P2RX5: variants seen among roughly 807,000 people sequenced by gnomAD.
The protein encoded by P2RX5 is purinergic receptor P2X 5.
A neutral mutation model predicts 54.1 loss-of-function variants in P2RX5; 46 were observed. The ratio of observed to expected loss-of-function variants is 0.85; its 90% CI spans 0.67 to 1.09. The LOEUF (loss-of-function observed/expected upper bound fraction) is 1.09. Ranked by LOEUF, P2RX5 falls within the 50% of genes least tolerant of loss-of-function variation. P2RX5 has a pLI of 0.00. For synonymous variants in P2RX5, 226 were observed against 226.4 expected (o/e 1.00, Z 0.02); for missense variants, 566 against 549.8 (o/e 1.03, Z -0.29).
chr17:3,673,669 A>G lies in P2RX5; in HGVS notation c.*199T>C. ...GGGGTGGGGCAAAAAGACAGCCATGATGGGTCCGTCCTGATGACCCCAGCA... is the reference window on the plus strand; with the variant it reads ...GGGGTGGGGCAAAAAGACAGCCATGGTGGGTCCGTCCTGATGACCCCAGCA... On this transcript the variant is annotated 3_prime_UTR_variant, in exon 12 of 12. Transcript: ENST00000225328. The G allele has an allele frequency of 1.4e-6, 2 of 1,474,182 alleles. No individual in the cohort carries two copies. The highest frequency in any genetic ancestry group is 2.3e-5 in the Admixed American group (1 of 42,884). 91.3% of individuals were successfully genotyped at this position (1,474,182 alleles called of 1,614,324 possible).
intron 11 of P2RX5, 58 bp from the exon 12 acceptor site, chr17:3,673,935 G>GCCC: frequency 6.7e-7 from 1 of 1,483,274 alleles, no homozygotes; most frequent in Admixed American, 1.9e-5. Context: ...TCTTCCCAGT[G>GCCC]AGGCAACCAG....
Position 3,673,963 on chromosome 17 carries a change from C to T in P2RX5, c.1260-86G>A, listed in dbSNP as rs1597686062. The T allele has an allele frequency of 4.1e-6, 5 of 1,220,880 alleles. No individual in the cohort carries two copies. The East Asian group carries it at 1.0e-4, about 25-fold the overall frequency. The allele number at this position is 1,220,880 out of a possible 1,614,324, so 75.6% of individuals were successfully genotyped here. ...GCAACCAGTGCCCAGGGAGAAGGGC[C>T]TTCCCAAGTCTGAAAAGAGCTACAG... On this transcript the variant is annotated intron_variant, in intron 11 of 11. Coordinates refer to ENST00000225328, the MANE Select transcript of P2RX5 (RefSeq NM_002561.4).
chr17:3,691,904 G>A (rs777281793), intron 1 of P2RX5, 110 bp from the exon 2 acceptor site: 1 of 1,121,968 alleles, frequency 8.9e-7, no homozygotes, highest in Non-Finnish European at 1.3e-6. Context: ...TTGAGGTGGA[G>A]CAGGCTCAGG....
the P2RX5 span, among the ~76,000 whole-genome samples, chr17:3,706,892 G>C: frequency 6.6e-6 from 1 of 152,226 alleles, no homozygotes; most frequent in African/African-American, 2.4e-5. Flanking sequence ...TTACAGGCGT[G>C]CGCCACTGCG....
the P2RX5 span, among the ~76,000 whole-genome samples, chr17:3,705,528 A>G: frequency 6.6e-6 from 1 of 152,086 alleles, no homozygotes; most frequent in Admixed American, 6.6e-5. Context: ...GTCCTCCTCC[A>G]AATGTCCACA....
the P2RX5 span, among the ~76,000 whole-genome samples, chr17:3,722,958 C>G: frequency 1.3e-5 from 2 of 152,176 alleles, no homozygotes; most frequent in African/African-American, 2.4e-5. Flanking sequence ...GAAAGGGTAG[C>G]TTGAATTACA....
chr17:3,689,412 G>A (rs116998848), intron 7 of P2RX5, 80 bp downstream of exon 7: 30,547 of 1,551,902 alleles, frequency 0.02, 382 homozygotes, highest in Non-Finnish European at 0.023. Flanking sequence ...ACGAGTCCCC[G>A]TCCACACCCT....
chr17:3,689,587 A>G lies in P2RX5; in HGVS notation c.658T>C (p.Cys220Arg). 1 of 1,614,204 alleles carries G rather than the reference A, an allele frequency of 6.2e-7. No individual in the cohort carries two copies. The highest frequency in any genetic ancestry group is 1.1e-5 in the South Asian group (1 of 91,092). Residue 220 changes from cysteine (C) to arginine (R), a missense_variant, in exon 7 of 12, where the codon TGC becomes CGC. Physicochemically the swap from Cys to Arg is radical, Grantham distance 180. Coordinates refer to ENST00000225328, the MANE Select transcript of P2RX5 (RefSeq NM_002561.4). ...DVKDRSFLKS[C>R]HFGPKNHYCP... ...TAGTGGTTCTTGGGGCCAAAGTGGCATGATTTCAGGAAAGATCTGTCCTTG... is the reference window on the plus strand; with the variant it reads ...TAGTGGTTCTTGGGGCCAAAGTGGCGTGATTTCAGGAAAGATCTGTCCTTG...
chr17:3,694,298 C>T, intron 1 of P2RX5, among the ~76,000 whole-genome samples: 1 of 76,194 alleles, frequency 1.3e-5, no homozygotes, highest in East Asian at 8.2e-4. Flanking sequence ...TAGGCAAATC[C>T]ATAGAGACAG....
chr17:3,707,409 G>A, the P2RX5 span, among the ~76,000 whole-genome samples: 1 of 152,038 alleles, frequency 6.6e-6, no homozygotes, highest in African/African-American at 2.4e-5. Context: ...TCTTCATCCG[G>A]GAGCCAAAAG....
At chr17:3,678,609 C>A (rs150853) in intron 11 of P2RX5, among the ~76,000 whole-genome samples, 81,796 of 152,050 alleles carry the variant, frequency 0.54, 22,520 homozygotes, top group East Asian at 0.76. Flanking sequence ...CCTCACTCTT[C>A]TCCAGCCCAG....
At chr17:3,680,439 G>A (rs2062079373) in intron 10 of P2RX5, among the ~76,000 whole-genome samples, 1 of 118,212 alleles carries the variant, frequency 8.5e-6, no homozygotes, top group Non-Finnish European at 1.7e-5. Context: ...CCTCCACCCT[G>A]CATCCTCCAC....
the P2RX5 span, among the ~76,000 whole-genome samples, chr17:3,714,221 C>A: frequency 4.6e-5 from 7 of 151,362 alleles, no homozygotes; most frequent in African/African-American, 1.7e-4. Flanking sequence ...GCCACCGCAC[C>A]CCGCCTATTT....
chr17:3,697,347 C>CG (rs71379595), upstream of P2RX5, among the ~76,000 whole-genome samples: 2 of 151,978 alleles, frequency 1.3e-5, no homozygotes, highest in Admixed American at 6.6e-5. Flanking sequence ...GGAGGGCCTC[C>CG]GGGGGGGCAG....
chr17:3,712,685 G>A, the P2RX5 span, among the ~76,000 whole-genome samples: 1 of 152,210 alleles, frequency 6.6e-6, no homozygotes, highest in Non-Finnish European at 1.5e-5. Flanking sequence ...TTTGGCTCAT[G>A]CCTGTAATCC....
intron 1 of P2RX5, among the ~76,000 whole-genome samples, chr17:3,693,127 C>CAAAAAAAA (rs34356240): frequency 6.9e-5 from 7 of 101,654 alleles, no homozygotes; most frequent in Non-Finnish European, 1.1e-4. Context: ...AGACATTTCT[C>CAAAAAAAA]AAAAAAAAAA....
chr17:3,676,956 G>T, intron 11 of P2RX5: 1 of 389,660 alleles, frequency 2.6e-6, no homozygotes, highest in East Asian at 1.6e-4. Flanking sequence ...CAGCTACTTA[G>T]GAGGCTGAGA....
chr17:3,696,924 G>T (rs1208645580), upstream of P2RX5, among the ~76,000 whole-genome samples: 1 of 151,368 alleles, frequency 6.6e-6, no homozygotes, highest in African/African-American at 2.4e-5. Flanking sequence ...TGGGCAGGGG[G>T]TGGTTGTGGG....
At chr17:3,681,867 C>G in intron 10 of P2RX5, 29 bp downstream of exon 10, 1 of 1,531,586 alleles carries the variant, frequency 6.5e-7, no homozygotes, top group African/African-American at 1.4e-5. Flanking sequence ...GGGCTGCCCT[C>G]GGGCCGCCGG....
Sources: gnomAD v4.1 joint callset for allele counts (sites outside exome capture counted in the v4.1 genomes callset) on GRCh38, gnomAD v4.1.1 for gene constraint, MANE v1.5 for transcripts, NCBI Gene and HGNC (gene_info 2026-07-23, HGNC 2026-07-21) for gene names.